The following ZNF425 variants were observed in gnomAD, a reference collection of about 807,000 sequenced individuals.
ZNF425 encodes zinc finger protein 425.
A neutral mutation model predicts 17.0 loss-of-function variants in ZNF425; 21 were observed. The ratio of observed to expected loss-of-function variants is 1.23; its 90% CI spans 0.88 to 1.78. ZNF425 has a LOEUF of 1.78. ZNF425 is among the 40% of genes most tolerant of loss of function. ZNF425 has a pLI of 0.00. For missense variants in ZNF425, 868 were observed against 967.3 expected (o/e 0.90, Z 1.36); for synonymous variants, 433 against 384.1 (o/e 1.13, Z -1.49).
At chr7:149,119,523 G>A (rs187498271) in intron 1 of ZNF425, among the ~76,000 whole-genome samples, 7 of 152,120 alleles carry the variant, frequency 4.6e-5, no homozygotes, top group African/African-American at 1.4e-4. Context: ...TTATTTCATC[G>A]CATATGCTCA....
Position 149,126,287 on chromosome 7 carries a change from A to AG in ZNF425, c.-75dup, listed in dbSNP as rs1826469916. On this transcript the variant is annotated 5_prime_UTR_variant, in exon 1 of 4. Coordinates refer to ENST00000378061, the MANE Select transcript of ZNF425 (RefSeq NM_001001661.3). Reference sequence around the variant, plus strand: ...CCGCCCCAACCCAACTCCCAGGTACAGCCCTGCTGGCCCCCAAAGGCAGAG... The same window carrying AG: ...CCGCCCCAACCCAACTCCCAGGTACAGGCCCTGCTGGCCCCCAAAGGCAGAG... The AG allele has an allele frequency of 1.3e-6, 2 of 1,558,238 alleles. No homozygotes were observed. The highest frequency in any genetic ancestry group is 1.7e-6 in the Non-Finnish European group (2 of 1,152,400).
chr7:149,123,906 G>C (rs1242991612), intron 1 of ZNF425, among the ~76,000 whole-genome samples: 4 of 147,394 alleles, frequency 2.7e-5, no homozygotes, highest in African/African-American at 7.5e-5. Context: ...GGAGAGCAGT[G>C]ATGCCATCTC....
intron 1 of ZNF425, chr7:149,125,847 T>C: frequency 7.0e-6 from 3 of 426,230 alleles, no homozygotes; most frequent in Non-Finnish European, 8.6e-6. Context: ...TCCCGAGAGG[T>C]CACCACACAG....
chr7:149,126,143 C>T, intron 1 of ZNF425, 53 bp downstream of exon 1: 1 of 1,612,174 alleles, frequency 6.2e-7, no homozygotes, highest in Non-Finnish European at 8.5e-7. Flanking sequence ...AATCCAGCTG[C>T]GACAGGGACC....
chr7:149,109,179 GC>G lies in ZNF425; in HGVS notation c.304+2957del, dbSNP rs1036004119. Among the ~76,000 whole-genome samples the G allele has an allele frequency of 5.3e-5, 8 of 151,064 alleles. No individual in the cohort carries two copies. In the East Asian group the frequency reaches 1.6e-3, roughly 30 times the overall value. ...TGCAACCTCCGCCTCCCGGGTTCAC[GC>G]CATTCTCCTGTCTCACCCTCCTCAG... On this transcript the variant is annotated intron_variant, in intron 3 of 3. Coordinates refer to ENST00000378061, the MANE Select transcript of ZNF425 (RefSeq NM_001001661.3).
chr7:149,113,685 G>A (rs1826210275), intron 2 of ZNF425, among the ~76,000 whole-genome samples: 1 of 151,614 alleles, frequency 6.6e-6, no homozygotes, highest in African/African-American at 2.4e-5. Flanking sequence ...CCGAGTAGCT[G>A]GGACTACAGG....
At position 149,105,381 on chromosome 7, in the gene ZNF425, C is replaced by T. The variant is rs750464069; in HGVS notation, c.490G>A (p.Asp164Asn). 6 of 1,605,386 alleles carry T rather than the reference C, an allele frequency of 3.7e-6. No individual in the cohort carries two copies. In the African/African-American group the frequency reaches 6.7e-5, roughly 18 times the overall value. ...TGCCGCAGGTCTTTCTTGTCTGGATCATATGCTGTGATGCTGACTTTTTTA... is the reference window on the plus strand; with the variant it reads ...TGCCGCAGGTCTTTCTTGTCTGGATTATATGCTGTGATGCTGACTTTTTTA... ...LNKKVSITAY[D>N]PDKKDLRHKP... is the part of the protein sequence containing the mutation. Residue 164 changes from aspartate (D) to asparagine (N), a missense_variant, in exon 4 of 4, where the codon GAT becomes AAT. Physicochemically the swap from Asp to Asn is conservative, Grantham distance 23 (BLOSUM62 1). Around this residue, in one of 5 missense-constraint regions of ZNF425, gnomAD observed 179 missense variants for 216.3 expected, o/e 0.83. Coordinates refer to ENST00000378061, the MANE Select transcript of ZNF425 (RefSeq NM_001001661.3).
In ZNF425 at chr7:149,104,098, G is replaced by A; in HGVS notation, c.1773C>T (p.Tyr591=). 1 of 1,612,838 alleles carries A rather than the reference G, an allele frequency of 6.2e-7. No homozygotes were observed. The change falls in exon 4 of 4, where the codon TAC becomes TAT. Residue 591 remains tyrosine, a synonymous_variant. Transcript: ENST00000378061. This position sits in a 1 kb window ranked among gnomAD's most constrained non-coding sequence, Gnocchi z 4.3. ...GCTCGGTGAGCTGAGACTGATGCGTGTAGGTCTTGTCACACTCACCGCACG... is the reference window on the plus strand; with the variant it reads ...GCTCGGTGAGCTGAGACTGATGCGTATAGGTCTTGTCACACTCACCGCACG... ...PFACGECDKT[Y]THQSQLTEHL...
In ZNF425 at chr7:149,118,299, C is replaced by T. The variant is rs1162440033; in HGVS notation, c.68G>A (p.Trp23Ter). 6.2e-7 allele frequency: 1 copy of T among 1,614,008 alleles called. No individual in the cohort carries two copies. The highest frequency in any genetic ancestry group is 1.3e-5 in the African/African-American group (1 of 74,910). ...CTTCTGCCACTTCTCCAGGATCTCCCACTCTTGTTCCGAAAAATATAAGGC... is the reference window on the plus strand; with the variant it reads ...CTTCTGCCACTTCTCCAGGATCTCCTACTCTTGTTCCGAAAAATATAAGGC... ...DVALYFSEQE[W>*]EILEKWQKQM... Residue 23 changes from tryptophan to a stop codon, truncating the protein, a stop_gained, in exon 2 of 4, where the codon TGG (tryptophan) becomes TAG (stop). Coordinates refer to ENST00000378061, the MANE Select transcript of ZNF425 (RefSeq NM_001001661.3). LOFTEE classifies it high-confidence loss of function.
intron 3 of ZNF425, among the ~76,000 whole-genome samples, chr7:149,111,142 T>C (rs541529437): frequency 6.6e-6 from 1 of 151,862 alleles, no homozygotes; most frequent in South Asian, 2.1e-4. Context: ...CAGGATTTGT[T>C]TTTTTTTAAA....
In ZNF425 at chr7:149,109,879, C is replaced by CTTTT. The variant is rs59024495; in HGVS notation, c.304+2254_304+2257dup. On this transcript the variant is annotated intron_variant, in intron 3 of 3. Coordinates refer to ENST00000378061, the MANE Select transcript of ZNF425 (RefSeq NM_001001661.3). ...ATAATTCTTTATTTATTTTCTTTTT[C>CTTTT]TTTTTTTTTTTTTTGGAGACAGAGT... 5.7e-5 allele frequency among the ~76,000 whole-genome samples: 8 copies of CTTTT among 140,668 alleles called. 1 individual carries two copies. The highest frequency in any genetic ancestry group is 2.2e-4 in the Admixed American group (3 of 13,938). The allele number at this position is 140,668 out of a possible 152,430, so 92.3% of individuals were successfully genotyped here.
rs1300129985 is a variant in ZNF425, at chr7:149,104,844, T to A, written c.1027A>T (p.Arg343Trp). 1.9e-6 allele frequency: 3 copies of A among 1,613,474 alleles called. No individual in the cohort carries two copies. The highest frequency in any genetic ancestry group is 1.1e-5 in the South Asian group (1 of 91,006). ...TGGGTCAGATGGACCTTCATGCCCC[T>A]CTTCAGGCGGAAGCACCGGTCACAC... ...PQCDRCFRLK[R>W]GMKVHLTQHS... is the part of the protein sequence containing the mutation. The change falls in exon 4 of 4, where the codon AGG (arginine) becomes TGG (tryptophan). Residue 343 changes from arginine to tryptophan, a missense_variant. Arg to Trp is a moderately radical substitution (Grantham distance 101). This residue lies in a region of ZNF425 where 243 missense variants were observed against 265.2 expected (regional missense o/e 0.92). Transcript: ENST00000378061. This position sits in a 1 kb window ranked among gnomAD's most constrained non-coding sequence, Gnocchi z 4.3.
chr7:149,118,123 ACAGTATCATATTCAAC>A, intron 2 of ZNF425, 83 bp downstream of exon 2: 1 of 1,330,350 alleles, frequency 7.5e-7, no homozygotes, highest in Non-Finnish European at 1.1e-6. Flanking sequence ...TAAACTGGGC[ACAGTATCATATTCAAC>A]CAGCCCACGG....
At chr7:149,122,526 G>C (rs555951853) in intron 1 of ZNF425, among the ~76,000 whole-genome samples, 12 of 152,006 alleles carry the variant, frequency 7.9e-5, no homozygotes, top group Non-Finnish European at 1.8e-4. Flanking sequence ...CAAAAAGCAA[G>C]TTTTAAATTT....
At chr7:149,120,251 A>C (rs1826329723) in intron 1 of ZNF425, among the ~76,000 whole-genome samples, 8 of 152,098 alleles carry the variant, frequency 5.3e-5, no homozygotes, top group Admixed American at 5.2e-4. Flanking sequence ...GCATTGTGGC[A>C]CATGCCTGTA....
At chr7:149,121,010 T>C (rs1399163115) in intron 1 of ZNF425, among the ~76,000 whole-genome samples, 1 of 151,984 alleles carries the variant, frequency 6.6e-6, no homozygotes, top group African/African-American at 2.4e-5. Context: ...TGTCATATGA[T>C]GAGTATTTGT....
chr7:149,104,992 C>G lies in ZNF425; in HGVS notation c.879G>C (p.Leu293=). ...FRYRANLKKH[L]CLHRGERPFC... is the part of the protein sequence containing the mutation. The stretch of plus-strand genomic sequence containing the variant: ...ACGGCCGCTCCCCGCGGTGTAGACA[C>G]AGGTGCTTCTTCAGGTTGGCCCTGT... The change falls in exon 4 of 4, where the codon CTG becomes CTC. Residue 293 remains leucine (L), a synonymous_variant. Coordinates refer to ENST00000378061, the MANE Select transcript of ZNF425 (RefSeq NM_001001661.3). This position sits in a 1 kb window ranked among gnomAD's most constrained non-coding sequence, Gnocchi z 4.3. The G allele has an allele frequency of 6.2e-7, 1 of 1,614,194 alleles. No individual in the cohort carries two copies. The highest frequency in any genetic ancestry group is 8.5e-7 in the Non-Finnish European group (1 of 1,180,026).
Position 149,104,050 on chromosome 7 carries a change from C to T in ZNF425, c.1821G>A (p.Glu607=), listed in dbSNP as rs1299011514. 6.2e-7 allele frequency: 1 copy of T among 1,613,736 alleles called. No homozygotes were observed. Among genetic ancestry groups the T allele is most frequent in the East Asian group, 2.2e-5 (1 of 44,880 alleles). ...LTEHLRLHSG[E]KPYQCPECEK... is the part of the protein sequence containing the mutation. ...CGCATTCAGGACACTGGTAGGGCTT[C>T]TCTCCACTGTGCAGCCTCAGGTGCT... The change falls in exon 4 of 4, where the codon GAG becomes GAA. Residue 607 remains glutamate, a synonymous_variant. Coordinates refer to ENST00000378061, the MANE Select transcript of ZNF425 (RefSeq NM_001001661.3). This position sits in a 1 kb window ranked among gnomAD's most constrained non-coding sequence, Gnocchi z 4.3.
rs202036669 is a variant in ZNF425, at chr7:149,104,148, T to A, written c.1723A>T (p.Met575Leu). The change falls in exon 4 of 4, where the codon ATG becomes TTG. Residue 575 changes from methionine to leucine, a missense_variant. Physicochemically the swap from Met to Leu is conservative, Grantham distance 15. Transcript: ENST00000378061. This position sits in a 1 kb window ranked among gnomAD's most constrained non-coding sequence, Gnocchi z 4.3. ...GCGAAGGGCTTCTCGTCCCTGTGCA[T>A]CCGCTGGTGGAACTTCATGGAGGCC... ...WKASMKFHQRMHRDEKPFACG... is the reference protein window; with the variant it reads ...WKASMKFHQRLHRDEKPFACG... The A allele has an allele frequency of 7.4e-6, 12 of 1,612,766 alleles. No individual in the cohort carries two copies. The African/African-American group carries it at 1.5e-4, about 20-fold the overall frequency.
Sources: allele counts gnomAD v4.1 joint callset (sites outside exome capture counted in the v4.1 genomes callset), GRCh38; gene constraint gnomAD v4.1.1; regional missense constraint gnomAD v4.1.1; non-coding constraint Gnocchi (gnomAD v3.1); transcripts MANE v1.5; gene names NCBI Gene and HGNC (gene_info 2026-07-23, HGNC 2026-07-21).